The following RBFOX2 variants were observed in gnomAD, a reference collection of about 807,000 sequenced individuals.
The protein encoded by RBFOX2 is RNA binding fox-1 homolog 2.
A neutral mutation model predicts 49.1 loss-of-function variants in RBFOX2; 10 were observed. The ratio of observed to expected loss-of-function variants is 0.20; its 90% CI spans 0.13 to 0.35. The LOEUF (loss-of-function observed/expected upper bound fraction) is 0.35, where lower values mean the gene tolerates loss of function less well. Ranked by LOEUF, RBFOX2 falls within the 10% of genes least tolerant of loss-of-function variation. The pLI is 1.00. For synonymous variants in RBFOX2, 183 were observed against 187.4 expected, an observed-to-expected ratio of 0.98 and a Z score of 0.19; for missense variants, 323 against 486.9, an observed-to-expected ratio of 0.66 and a Z score of 3.17.
intron 2 of RBFOX2, among the ~76,000 whole-genome samples, chr22:35,792,201 C>T (rs1200538228): frequency 1.3e-5 from 2 of 150,948 alleles, no homozygotes; most frequent in Non-Finnish European, 2.9e-5. Flanking sequence ...CCTGTAATCC[C>T]AGCTACTTGG....
In RBFOX2 at chr22:35,783,494, A is replaced by G. The variant is rs537115560; in HGVS notation, c.253-1748T>C. 1.2e-4 allele frequency among the ~76,000 whole-genome samples: 18 copies of G among 152,270 alleles called. No homozygotes were observed. The South Asian group carries it at 2.5e-3, about 21-fold the overall frequency. On this transcript the variant is annotated intron_variant, in intron 2 of 11. Transcript: ENST00000405409. ...GCATTTTGGGTGTGGTGGGTGGGAA[A>G]AACCTACAACATGAGGTCTACAGGG...
chr22:35,858,780 C>T (rs979403281), intron 1 of RBFOX2, among the ~76,000 whole-genome samples: 11 of 146,132 alleles, frequency 7.5e-5, no homozygotes, highest in Admixed American at 2.8e-4. Flanking sequence ...GAACCGAGAT[C>T]GTGCCACTGC....
chr22:36,002,830 G>A (rs943051496), intron 1 of RBFOX2, among the ~76,000 whole-genome samples: 3 of 152,190 alleles, frequency 2.0e-5, no homozygotes, highest in Non-Finnish European at 4.4e-5. Flanking sequence ...TTCGCCATGT[G>A]GGCCAGGCTG....
At chr22:35,822,756 T>C in intron 1 of RBFOX2, 1 of 410,784 alleles carries the variant, frequency 2.4e-6, no homozygotes, top group Non-Finnish European at 4.7e-6. Flanking sequence ...AAAATTAAAT[T>C]TCCCCAAACA....
At chr22:35,931,339 T>C (rs1436348553) in intron 1 of RBFOX2, among the ~76,000 whole-genome samples, 1 of 143,890 alleles carries the variant, frequency 6.9e-6, no homozygotes. Flanking sequence ...AAAAAGAGGA[T>C]CAGAAAGAAA....
rs58806998 is a variant in RBFOX2 at position 35,853,378 on chromosome 22, G to C, written c.-33-43374C>G. Among the ~76,000 whole-genome samples, 533 of 151,928 alleles carry C rather than the reference G, an allele frequency of 3.5e-3. 1 individual carries two copies. The highest frequency in any genetic ancestry group is 0.011 in the African/African-American group (472 of 41,430). ...CTATATTTGTAAATGAAATTATATA[G>C]GGGTATGCATGCATGTATGAATCTA... On this transcript the variant is annotated intron_variant, in intron 1 of 13. Coordinates refer to the RBFOX2 transcript ENST00000359369.
intron 1 of RBFOX2, among the ~76,000 whole-genome samples, chr22:36,010,470 G>A (rs9622316): frequency 1.3e-5 from 2 of 151,996 alleles, no homozygotes; most frequent in East Asian, 1.9e-4. Context: ...GGTGAGATTA[G>A]AACTGAGTAG....
At chr22:35,777,303 C>A (rs1341067986) in intron 4 of RBFOX2, among the ~76,000 whole-genome samples, 1 of 152,142 alleles carries the variant, frequency 6.6e-6, no homozygotes, top group Admixed American at 6.5e-5. Flanking sequence ...TGAGCCACTG[C>A]GCCCAGCCTA....
chr22:35,892,819 G>C (rs1255967096), intron 1 of RBFOX2, among the ~76,000 whole-genome samples: 1 of 152,206 alleles, frequency 6.6e-6, no homozygotes. Flanking sequence ...TCTTACGCAT[G>C]TGGAAACTGA....
chr22:35,941,364 G>A (rs2053668876), upstream of RBFOX2, among the ~76,000 whole-genome samples: 1 of 152,044 alleles, frequency 6.6e-6, no homozygotes, highest in African/African-American at 2.4e-5. Flanking sequence ...GGAAGAGATA[G>A]AGGCAAAAAG....
At chr22:35,797,240 A>G (rs556651274) in intron 2 of RBFOX2, among the ~76,000 whole-genome samples, 1 of 152,320 alleles carries the variant, frequency 6.6e-6, no homozygotes, top group African/African-American at 2.4e-5. Context: ...ACTACTTAAT[A>G]GTAACAACAA....
At position 36,028,439 on chromosome 22, in the gene RBFOX2, C is replaced by A. The variant is rs957521621; in HGVS notation, c.-14G>T. The A allele has an allele frequency of 2.4e-3, 2,930 of 1,197,542 alleles. 3 individuals carry two copies. Among genetic ancestry groups the A allele is most frequent in the Non-Finnish European group, 2.8e-3 (2,723 of 967,652 alleles). 74.2% of individuals were successfully genotyped at this position (1,197,542 alleles called of 1,614,324 possible). A position where few individuals can be genotyped will look rare whatever the true frequency, so the allele number is the denominator to read the frequency against. On this transcript the variant is annotated 5_prime_UTR_variant, in exon 1 of 14. Transcript: ENST00000438146. ...GCCCTCCGCCATCCGCCCGCGCCCC[C>A]CTCGCCTCCGGGAGCCGGGCGACCC...
At chr22:35,970,379 T>C (rs573680589) in intron 1 of RBFOX2, among the ~76,000 whole-genome samples, 1 of 152,044 alleles carries the variant, frequency 6.6e-6, no homozygotes, top group Non-Finnish European at 1.5e-5. Flanking sequence ...CTGGGCATAG[T>C]GACTTATGCC....
intron 2 of RBFOX2, among the ~76,000 whole-genome samples, chr22:35,792,315 C>CAAAAAAAAAA (rs1187704252): frequency 1.9e-4 from 7 of 36,254 alleles, no homozygotes; most frequent in East Asian, 7.8e-4. Flanking sequence ...AACTCCGTCT[C>CAAAAAAAAAA]AAAAAAAAAA....
chr22:35,985,879 TCTAG>T (rs1376710052), intron 1 of RBFOX2, among the ~76,000 whole-genome samples: 50 of 146,976 alleles, frequency 3.4e-4, no homozygotes, highest in Non-Finnish European at 6.1e-4. Flanking sequence ...AGACTCCATC[TCTAG>T]ATAGATAGAT....
chr22:35,981,737 T>C (rs1006868193), intron 1 of RBFOX2, among the ~76,000 whole-genome samples: 4 of 152,142 alleles, frequency 2.6e-5, no homozygotes, highest in Non-Finnish European at 2.9e-5. Flanking sequence ...CTTAGGAAAA[T>C]TGAATATAAC....
chr22:35,926,047 T>C (rs560964438), intron 1 of RBFOX2, among the ~76,000 whole-genome samples: 1 of 152,330 alleles, frequency 6.6e-6, no homozygotes, highest in Admixed American at 6.5e-5. Context: ...AATTAAAATA[T>C]TTAATCTGTA....
intron 4 of RBFOX2, among the ~76,000 whole-genome samples, chr22:35,777,145 G>A (rs1944127083): frequency 6.6e-6 from 1 of 151,806 alleles, no homozygotes; most frequent in Non-Finnish European, 1.5e-5. Flanking sequence ...CCGAGTAGCT[G>A]GGATTACAGG....
At chr22:35,960,421 C>T (rs1297141142) in intron 1 of RBFOX2, among the ~76,000 whole-genome samples, 1 of 152,156 alleles carries the variant, frequency 6.6e-6, no homozygotes, top group Admixed American at 6.5e-5. Flanking sequence ...TCTGTGCCCT[C>T]AGACACACCA....
Sources: gnomAD v4.1 joint callset for allele counts (sites outside exome capture counted in the v4.1 genomes callset) on GRCh38, gnomAD v4.1.1 for gene constraint, MANE v1.5 for transcripts, NCBI Gene and HGNC (gene_info 2026-07-23, HGNC 2026-07-21) for gene names.